Variants in ANKRD13C observed in about 807,000 individuals in gnomAD.
ANKRD13C encodes ankyrin repeat domain-containing protein 13C.
ANKRD13C carries 16 observed loss-of-function variants against 65.5 expected under a neutral mutation model. The observed-to-expected ratio is 0.24, with a 90% CI of 0.17 to 0.37. The LOEUF is 0.37. ANKRD13C is among the 10% of genes least tolerant of loss of function. The pLI is 1.00. For missense variants in ANKRD13C, 503 were observed against 655.9 expected (o/e 0.77, Z 2.55); for synonymous variants, 235 against 238.7 (o/e 0.98, Z 0.14).
At chr1:70,296,059 C>T in intron 8 of ANKRD13C, 71 bp downstream of exon 8, 1 of 1,535,880 alleles carries the variant, frequency 6.5e-7, no homozygotes, top group African/African-American at 1.4e-5. Flanking sequence ...TCTTGCATTT[C>T]CATCACGTTA....
chr1:70,297,047 C>T (rs1349751117), intron 7 of ANKRD13C, among the ~76,000 whole-genome samples: 1 of 151,950 alleles, frequency 6.6e-6, no homozygotes, highest in Non-Finnish European at 1.5e-5. Flanking sequence ...AGTAAGTGAG[C>T]AGGTATAAGA....
intron 12 of ANKRD13C, 56 bp from the exon 13 acceptor site, chr1:70,262,903 C>T (rs1678444596): frequency 2.8e-5 from 36 of 1,272,412 alleles, no homozygotes; most frequent in Non-Finnish European, 3.9e-5. Flanking sequence ...TATTCATAGA[C>T]TACAAAGTAC....
chr1:70,342,723 AACACACACACACAATAACACAC>A (rs1219010816), intron 1 of ANKRD13C, among the ~76,000 whole-genome samples: 10 of 147,400 alleles, frequency 6.8e-5, no homozygotes, highest in Middle Eastern at 3.5e-3. Flanking sequence ...TAAAGAAAGA[AACACACACACACAATAACACAC>A]ACACACACAC....
rs956767315 is a variant in ANKRD13C at position 70,261,306 on chromosome 1, A to G, written c.*1411T>C. The G allele has an allele frequency of 6.6e-6, 1 of 152,092 alleles. No individual in the cohort carries two copies. Among genetic ancestry groups the G allele is most frequent in the African/African-American group, 2.4e-5 (1 of 41,440 alleles). The allele number at this position is 152,092 out of a possible 1,614,324, so 9.4% of individuals were successfully genotyped here. On this transcript the variant is annotated 3_prime_UTR_variant, in exon 13 of 13. Transcript: ENST00000370944. ...TTTGGATTTTTAAATCATATTTTCA[A>G]TAAGGGTCTCTAAACTCCTTTCAAA...
chr1:70,272,717 G>A (rs1409987324), intron 11 of ANKRD13C, among the ~76,000 whole-genome samples: 2 of 151,804 alleles, frequency 1.3e-5, no homozygotes, highest in Non-Finnish European at 2.9e-5. Flanking sequence ...GGCCAGGTGT[G>A]GTGGCTCACA....
intron 1 of ANKRD13C, among the ~76,000 whole-genome samples, chr1:70,339,315 ATTTTTTTTT>A (rs781339493): frequency 7.8e-6 from 1 of 127,892 alleles, no homozygotes; most frequent in Non-Finnish European, 1.6e-5. Flanking sequence ...CTATCATTCC[ATTTTTTTTT>A]TTTTTTTTTT....
intron 9 of ANKRD13C, among the ~76,000 whole-genome samples, chr1:70,291,063 G>A (rs1029006989): frequency 1.1e-4 from 16 of 150,156 alleles, no homozygotes; most frequent in Admixed American, 5.3e-4. Flanking sequence ...ACGGAGTTTC[G>A]CTCTTGTTGC....
At chr1:70,304,685 C>T (rs1437546409) in intron 6 of ANKRD13C, among the ~76,000 whole-genome samples, 1 of 152,162 alleles carries the variant, frequency 6.6e-6, no homozygotes, top group African/African-American at 2.4e-5. Context: ...AGGCATGAGT[C>T]ACCACACCCG....
At chr1:70,319,607 C>CAAAAAAAAAAAAAAAAAAAA (rs1180827448) in intron 3 of ANKRD13C, among the ~76,000 whole-genome samples, 14 of 121,150 alleles carry the variant, frequency 1.2e-4, no homozygotes, top group African/African-American at 3.8e-4. Context: ...AACTCCATCT[C>CAAAAAAAAAAAAAAAAAAAA]AAAAAAAAAA....
Position 70,260,613 on chromosome 1 carries a change from G to A in ANKRD13C, c.*2104C>T, listed in dbSNP as rs1343744913. On this transcript the variant is annotated 3_prime_UTR_variant, in exon 13 of 13. Coordinates refer to ENST00000370944, the MANE Select transcript of ANKRD13C (RefSeq NM_030816.5). ...TTCATTAAAAGTAATACTGTGAAAAGTTTATTTGCATCGATTAATTCCTTT... is the reference window on the plus strand; with the variant it reads ...TTCATTAAAAGTAATACTGTGAAAAATTTATTTGCATCGATTAATTCCTTT... The A allele has an allele frequency of 2.6e-5, 4 of 152,066 alleles. No homozygotes were observed. Among genetic ancestry groups the A allele is most frequent in the Non-Finnish European group, 5.9e-5 (4 of 67,952 alleles). 9.4% of individuals were successfully genotyped at this position (152,066 alleles called of 1,614,324 possible).
At chr1:70,335,722 A>C (rs1681995238) in intron 2 of ANKRD13C, among the ~76,000 whole-genome samples, 1 of 149,764 alleles carries the variant, frequency 6.7e-6, no homozygotes, top group African/African-American at 2.4e-5. Flanking sequence ...TAAAAATCAT[A>C]TAAAACTCTA....
chr1:70,270,842 A>G lies in ANKRD13C; in HGVS notation c.1495+14T>C. ...CTAATGGACACTAAAATTATATCTA[A>G]TTTTTTCTCTTACCTAATTTTACAG... On this transcript the variant is annotated intron_variant, in intron 12 of 12. Transcript: ENST00000370944. The G allele has an allele frequency of 6.5e-7, 1 of 1,544,516 alleles. No individual in the cohort carries two copies. Among genetic ancestry groups the G allele is most frequent in the Non-Finnish European group, 8.9e-7 (1 of 1,124,374 alleles).
At chr1:70,345,687 G>C (rs1377690927) in intron 1 of ANKRD13C, among the ~76,000 whole-genome samples, 1 of 152,150 alleles carries the variant, frequency 6.6e-6, no homozygotes, top group African/African-American at 2.4e-5. Flanking sequence ...GACTAGAACA[G>C]TCTTTTATGT....
At chr1:70,335,612 A>G (rs1476888321) in intron 2 of ANKRD13C, among the ~76,000 whole-genome samples, 1 of 151,306 alleles carries the variant, frequency 6.6e-6, no homozygotes, top group African/African-American at 2.4e-5. Context: ...TAATTAAATA[A>G]TGACTACTTT....
At chr1:70,271,300 G>A (rs1678867907) in intron 11 of ANKRD13C, among the ~76,000 whole-genome samples, 1 of 152,102 alleles carries the variant, frequency 6.6e-6, no homozygotes. Context: ...CTGCATATTT[G>A]ATAAATGATT....
rs527406493 is a variant in ANKRD13C, at chr1:70,260,292, G to T, written c.*2425C>A. Among the ~76,000 whole-genome samples the T allele has an allele frequency of 5.3e-4, 80 of 152,190 alleles. No individual in the cohort carries two copies. The highest frequency in any genetic ancestry group is 1.9e-3 in the African/African-American group (79 of 41,534). On this transcript the variant is annotated 3_prime_UTR_variant, in exon 13 of 13. Transcript: ENST00000370944. ...ACAGAGGGCAAATTGTCTCATCAGAGAATTATTTTCTCAAAGATGGAAACC... is the reference window on the plus strand; with the variant it reads ...ACAGAGGGCAAATTGTCTCATCAGATAATTATTTTCTCAAAGATGGAAACC...
chr1:70,293,623 G>A, intron 8 of ANKRD13C: 4 of 907,218 alleles, frequency 4.4e-6, no homozygotes, highest in Non-Finnish European at 5.3e-6. Flanking sequence ...ATCTAATGCT[G>A]CCCAGAAGAA....
chr1:70,277,463 A>C lies in ANKRD13C; in HGVS notation c.1216-619T>G, dbSNP rs1328941432. 6.6e-5 allele frequency among the ~76,000 whole-genome samples: 10 copies of C among 152,094 alleles called. No homozygotes were observed. The East Asian group carries it at 1.9e-3, about 29-fold the overall frequency. On this transcript the variant is annotated intron_variant, in intron 9 of 12. Coordinates refer to ENST00000370944, the MANE Select transcript of ANKRD13C (RefSeq NM_030816.5). ...CAGAAGCAGACTCCACCTCAAAAAA[A>C]AAAAAAACAAAACTCTGATTCAAGG...
intron 1 of ANKRD13C, among the ~76,000 whole-genome samples, chr1:70,349,378 C>T (rs1193934638): frequency 6.6e-6 from 1 of 151,966 alleles, no homozygotes; most frequent in African/African-American, 2.4e-5. Context: ...TGATGAGTCA[C>T]AATCATTTGG....
Sources: allele counts gnomAD v4.1 joint callset (sites outside exome capture counted in the v4.1 genomes callset), GRCh38; gene constraint gnomAD v4.1.1; transcripts MANE v1.5; gene names NCBI Gene and HGNC (gene_info 2026-07-23, HGNC 2026-07-21).